GBF1: variants seen among roughly 807,000 people sequenced by gnomAD.
The protein encoded by GBF1 is Golgi-specific brefeldin A-resistance guanine nucleotide exchange factor 1.
Under a neutral mutation model 210.5 loss-of-function variants are expected in GBF1, and 114 were observed. That is an observed-to-expected ratio of 0.54 (90% CI 0.47 to 0.63). The LOEUF is 0.63. Among genes scored for constraint, GBF1 ranks in the 30% least tolerant of loss-of-function variants. The pLI, the probability that GBF1 is intolerant of heterozygous loss-of-function variation, is 0.00. For missense variants in GBF1, 1,851 were observed against 2,357.7 expected, an observed-to-expected ratio of 0.79 and a Z score of 4.45; for synonymous variants, 850 against 889.2, an observed-to-expected ratio of 0.96 and a Z score of 0.78.
the GBF1 span, chr10:102,230,976 G>A: frequency 2.9e-5 from 46 of 1,606,904 alleles, 1 homozygote; most frequent in Middle Eastern, 1.7e-3. Flanking sequence ...ACGAGTAGCC[G>A]GGGTACACCT....
At chr10:102,337,297 G>GAACC (rs199839479) in intron 3 of GBF1, among the ~76,000 whole-genome samples, 1 of 148,406 alleles carries the variant, frequency 6.7e-6, no homozygotes, top group Non-Finnish European at 1.5e-5. Flanking sequence ...AGAATGGTGC[G>GAACC]TGGGGGAGCT....
At position 102,358,490 on chromosome 10, in the gene GBF1, A is replaced by G. The variant is rs2059415636; in HGVS notation, c.788-16A>G. 7 of 1,581,490 alleles carry G rather than the reference A, an allele frequency of 4.4e-6. No homozygotes were observed. The highest frequency in any genetic ancestry group is 6.1e-6 in the Non-Finnish European group (7 of 1,150,348). ...CTCTTTCTTCTCCTTCAAGCGTCACATACTTTTCTTGGCAGGTGGCATGCC... is the reference window on the plus strand; with the variant it reads ...CTCTTTCTTCTCCTTCAAGCGTCACGTACTTTTCTTGGCAGGTGGCATGCC... On this transcript the variant is annotated splice_polypyrimidine_tract_variant and intron_variant, in intron 9 of 39. Transcript: ENST00000369983.
At chr10:102,325,463 T>G (rs1372659046) in intron 3 of GBF1, among the ~76,000 whole-genome samples, 2 of 150,904 alleles carry the variant, frequency 1.3e-5, no homozygotes, top group Non-Finnish European at 2.9e-5. Flanking sequence ...GGCAGGAGAA[T>G]TGCTTGAACT....
chr10:102,304,780 A>AG (rs2077690267), intron 3 of GBF1, among the ~76,000 whole-genome samples: 1 of 151,990 alleles, frequency 6.6e-6, no homozygotes, highest in Non-Finnish European at 1.5e-5. Flanking sequence ...TCTCAAAAAA[A>AG]AAAGAAAGAA....
At chr10:102,256,953 G>A (rs1311301763) in intron 1 of GBF1, among the ~76,000 whole-genome samples, 1 of 152,192 alleles carries the variant, frequency 6.6e-6, no homozygotes, top group Non-Finnish European at 1.5e-5. Flanking sequence ...CAGGAGGATT[G>A]CTTGAGCCCA....
intron 10 of GBF1, 126 bp downstream of exon 10, chr10:102,358,855 CT>C (rs2059436501): frequency 1.5e-6 from 1 of 646,746 alleles, no homozygotes; most frequent in African/African-American, 1.8e-5. Flanking sequence ...AAGCTCTGAT[CT>C]TTCCTGCTTC....
chr10:102,253,393 G>A (rs951283110), intron 1 of GBF1, among the ~76,000 whole-genome samples: 2 of 152,104 alleles, frequency 1.3e-5, no homozygotes, highest in Non-Finnish European at 2.9e-5. Context: ...TCCTAGAAGT[G>A]GAATTGCTGA....
chr10:102,367,062 A>C (rs1272348761), intron 19 of GBF1, 23 bp from the exon 20 acceptor site: 2 of 1,613,248 alleles, frequency 1.2e-6, no homozygotes, highest in African/African-American at 2.7e-5. Context: ...GCATTGACAC[A>C]GGCGGGATCT....
chr10:102,317,179 C>G (rs890499921), intron 3 of GBF1, among the ~76,000 whole-genome samples: 1 of 151,868 alleles, frequency 6.6e-6, no homozygotes, highest in African/African-American at 2.4e-5. Flanking sequence ...TGTTGGTAGT[C>G]CCAGCTACTC....
Position 102,340,267 on chromosome 10 carries a change from CTTTTTTTT to C in GBF1, c.164-3768_164-3761del, listed in dbSNP as rs1158590447. ...ATGAGCCACTGCTCCTGGTCCATGC[CTTTTTTTT>C]TTTTTTTTTTTTTTTGAGACAGAGT... On this transcript the variant is annotated intron_variant, in intron 3 of 39. Transcript: ENST00000369983. Among the ~76,000 whole-genome samples the C allele has an allele frequency of 6.3e-4, 53 of 83,544 alleles. No individual in the cohort carries two copies. In the East Asian group the frequency reaches 0.014, roughly 23 times the overall value. The allele number at this position is 83,544 out of a possible 152,430, so 54.8% of individuals were successfully genotyped here.
In GBF1 at chr10:102,351,965, T is replaced by C. The variant is rs748071858; in HGVS notation, c.523+14T>C. On this transcript the variant is annotated intron_variant, in intron 6 of 39. Transcript: ENST00000369983. ...TGAGGCTCAGTGGTAGGTGCTTGGATATTAGCCCCTTCACCATTCCTGGGG... is the reference window on the plus strand; with the variant it reads ...TGAGGCTCAGTGGTAGGTGCTTGGACATTAGCCCCTTCACCATTCCTGGGG... The C allele has an allele frequency of 3.1e-5, 42 of 1,339,554 alleles. No individual in the cohort carries two copies. In the East Asian group the frequency reaches 9.1e-4, roughly 29 times the overall value. 83.0% of individuals were successfully genotyped at this position (1,339,554 alleles called of 1,614,324 possible).
chr10:102,370,999 G>A (rs1367721219), intron 29 of GBF1, 139 bp downstream of exon 29: 9 of 819,954 alleles, frequency 1.1e-5, no homozygotes, highest in Non-Finnish European at 1.7e-5. Flanking sequence ...CAGGGCTGGT[G>A]CAGTCTAGCG....
chr10:102,357,001 G>A (rs2059330841), intron 8 of GBF1, among the ~76,000 whole-genome samples: 1 of 152,130 alleles, frequency 6.6e-6, no homozygotes, highest in African/African-American at 2.4e-5. Flanking sequence ...ACTGCATCTG[G>A]AAAGACCAAT....
intron 3 of GBF1, among the ~76,000 whole-genome samples, chr10:102,287,345 T>A (rs1350898398): frequency 0.21 from 2,681 of 12,912 alleles, 46 homozygotes; most frequent in Non-Finnish European, 0.24. Flanking sequence ...TTTTATTTTC[T>A]TTTTTTTTTT....
chr10:102,332,190 A>G (rs1339198802), intron 3 of GBF1, among the ~76,000 whole-genome samples: 1 of 152,056 alleles, frequency 6.6e-6, no homozygotes, highest in East Asian at 1.9e-4. Context: ...TCTCTAGATT[A>G]CTTGTAATGC....
At position 102,361,041 on chromosome 10, in the gene GBF1, T is replaced by C; in HGVS notation, c.1412T>C (p.Leu471Pro). ...HLFQLLSIER[L>P]NLYAASLRVC... ...CTCCAGCTACTCAGCATAGAGCGACTAAACCTTTATGCTGCTTCCCTGCGA... is the reference window on the plus strand; with the variant it reads ...CTCCAGCTACTCAGCATAGAGCGACCAAACCTTTATGCTGCTTCCCTGCGA... Residue 471 changes from leucine to proline, a missense_variant, in exon 13 of 40, where the codon CTA becomes CCA. By Grantham distance (98) the Leu-to-Pro change is moderately conservative (BLOSUM62 -3). This residue lies in a region of GBF1 where 804 missense variants were observed against 958.6 expected (regional missense o/e 0.84). Transcript: ENST00000369983. 1 of 1,581,828 alleles carries C rather than the reference T, an allele frequency of 6.3e-7. No individual in the cohort carries two copies. Among genetic ancestry groups the C allele is most frequent in the Admixed American group, 1.7e-5 (1 of 59,908 alleles).
In GBF1 at chr10:102,361,847, A is replaced by C. The variant is rs2059619380; in HGVS notation, c.1621A>C (p.Ile541Leu). ...RIPSFVTELY[I>L]NYDCDYYCSN... The stretch of plus-strand genomic sequence containing the variant: ...CCCCAGCTTTGTCACAGAGCTCTAC[A>C]TCAACTATGATTGTGACTACTACTG... The change falls in exon 14 of 40, where the codon ATC (isoleucine) becomes CTC (leucine). Residue 541 changes from isoleucine (I) to leucine (L), a missense_variant. By Grantham distance (5) the Ile-to-Leu change is conservative. This residue lies in a region of GBF1 where 804 missense variants were observed against 958.6 expected (regional missense o/e 0.84). Transcript: ENST00000369983. The C allele has an allele frequency of 1.2e-6, 2 of 1,613,840 alleles. No individual in the cohort carries two copies. The highest frequency in any genetic ancestry group is 3.3e-5 in the Admixed American group (2 of 59,974).
At chr10:102,274,699 A>ATTTTTTTTTTTTTTT (rs1174743189) in intron 3 of GBF1, among the ~76,000 whole-genome samples, 1 of 71,700 alleles carries the variant, frequency 1.4e-5, no homozygotes, top group African/African-American at 6.5e-5. Context: ...CAAAACAAAG[A>ATTTTTTTTTTTTTTT]TTTTTTTTTT....
intron 3 of GBF1, among the ~76,000 whole-genome samples, chr10:102,312,152 G>A (rs1401122151): frequency 1.6e-4 from 24 of 152,134 alleles, no homozygotes; most frequent in Admixed American, 1.2e-3. Flanking sequence ...TTAGCTGGGC[G>A]TGGTGGCGCA....
Sources: gnomAD v4.1 joint callset for allele counts (sites outside exome capture counted in the v4.1 genomes callset) on GRCh38, gnomAD v4.1.1 for gene constraint, gnomAD v4.1.1 regional missense constraint, MANE v1.5 for transcripts, NCBI Gene and HGNC (gene_info 2026-07-23, HGNC 2026-07-21) for gene names.